Variants in CCSER1 observed in about 807,000 individuals in gnomAD.
The protein encoded by CCSER1 is coiled-coil serine rich protein 1.
A neutral mutation model predicts 82.0 loss-of-function variants in CCSER1; 41 were observed. The observed-to-expected ratio is 0.50, with a 90% CI of 0.39 to 0.65. The LOEUF (loss-of-function observed/expected upper bound fraction) is 0.65, where lower values mean the gene tolerates loss of function less well. Ranked by LOEUF, CCSER1 falls within the 30% of genes least tolerant of loss-of-function variation. The pLI is 0.00. For synonymous variants in CCSER1, 414 were observed against 383.9 expected, an observed-to-expected ratio of 1.08 and a Z score of -0.92; for missense variants, 1,119 against 1,064.2, an observed-to-expected ratio of 1.05 and a Z score of -0.72.
intron 7 of CCSER1, among the ~76,000 whole-genome samples, chr4:90,787,905 T>TG (rs1183065317): frequency 6.6e-6 from 1 of 152,176 alleles, no homozygotes; most frequent in Non-Finnish European, 1.5e-5. Context: ...CCACAGTAAG[T>TG]TTTGCAGTTT....
intron 10 of CCSER1, among the ~76,000 whole-genome samples, chr4:91,128,842 T>A (rs1206455436): frequency 2.6e-5 from 4 of 152,088 alleles, no homozygotes; most frequent in African/African-American, 7.2e-5. Flanking sequence ...CGCCAAATAT[T>A]GTGAATTTTC....
chr4:91,380,492 C>T lies in CCSER1; in HGVS notation c.2218-218080C>T, dbSNP rs186289729. ...CTACTTGTTGAATTGATCCCTTTAC[C>T]GTTATGTAATGTCCTTCTTTGTCTC... On this transcript the variant is annotated intron_variant, in intron 10 of 10. Transcript: ENST00000509176. Among the ~76,000 whole-genome samples, 46 of 152,186 alleles carry T rather than the reference C, an allele frequency of 3.0e-4. 1 individual carries two copies. The East Asian group carries it at 6.8e-3, about 22-fold the overall frequency.
chr4:91,003,736 A>C (rs111408346), intron 9 of CCSER1, among the ~76,000 whole-genome samples: 77 of 152,130 alleles, frequency 5.1e-4, no homozygotes, highest in African/African-American at 1.8e-3. Context: ...TCTGGCCAGG[A>C]GATTTCCTCA....
intron 9 of CCSER1, among the ~76,000 whole-genome samples, chr4:90,993,510 C>A (rs1012829925): frequency 1.3e-5 from 2 of 151,316 alleles, no homozygotes; most frequent in Non-Finnish European, 2.9e-5. Context: ...TTGAAAGCTT[C>A]TTCATCAATA....
chr4:90,191,531 A>G (rs886408325), intron 1 of CCSER1, among the ~76,000 whole-genome samples: 1 of 152,016 alleles, frequency 6.6e-6, no homozygotes, highest in African/African-American at 2.4e-5. Flanking sequence ...GGTGAGATGC[A>G]GTAAAGAGGA....
intron 8 of CCSER1, among the ~76,000 whole-genome samples, chr4:90,832,468 C>T (rs1326507359): frequency 2.6e-5 from 4 of 151,990 alleles, no homozygotes; most frequent in Admixed American, 6.6e-5. Context: ...GCATCTTCAT[C>T]GCTTTGAGTT....
At chr4:91,304,638 G>A (rs767423685) in intron 10 of CCSER1, among the ~76,000 whole-genome samples, 8 of 151,978 alleles carry the variant, frequency 5.3e-5, no homozygotes, top group Non-Finnish European at 7.4e-5. Flanking sequence ...TAATTAGATC[G>A]CAGAGTTCAC....
chr4:90,873,316 G>T (rs1304456410), intron 8 of CCSER1, among the ~76,000 whole-genome samples: 2 of 151,878 alleles, frequency 1.3e-5, no homozygotes, highest in African/African-American at 4.8e-5. Flanking sequence ...AATAGAGTGT[G>T]TTCAGGTTTA....
chr4:90,383,664 T>G (rs1749560226), intron 3 of CCSER1, among the ~76,000 whole-genome samples: 1 of 152,138 alleles, frequency 6.6e-6, no homozygotes, highest in Admixed American at 6.5e-5. Flanking sequence ...ACACATATAT[T>G]TAAGTCTTGG....
intron 10 of CCSER1, among the ~76,000 whole-genome samples, chr4:91,113,445 G>A: frequency 6.6e-6 from 1 of 152,192 alleles, no homozygotes; most frequent in East Asian, 1.9e-4. Context: ...CCACCCTGGA[G>A]ACTTACGTTT....
At chr4:90,153,904 G>T (rs1419959616) in intron 1 of CCSER1, among the ~76,000 whole-genome samples, 1 of 152,068 alleles carries the variant, frequency 6.6e-6, no homozygotes, top group African/African-American at 2.4e-5. Flanking sequence ...TGTCAATTTT[G>T]GCTTTTGTTG....
chr4:90,438,151 ATG>A (rs2153570859), intron 4 of CCSER1, among the ~76,000 whole-genome samples: 1 of 152,320 alleles, frequency 6.6e-6, no homozygotes, highest in Non-Finnish European at 1.5e-5. Context: ...TATATCATTG[ATG>A]TTATTACTAA....
At chr4:90,319,744 A>G (rs1736798932) in intron 3 of CCSER1, among the ~76,000 whole-genome samples, 1 of 152,216 alleles carries the variant, frequency 6.6e-6, no homozygotes, top group South Asian at 2.1e-4. Flanking sequence ...AAAAATGTTA[A>G]TGGCTTTGGG....
intron 10 of CCSER1, among the ~76,000 whole-genome samples, chr4:91,431,471 T>C (rs888163740): frequency 7.2e-5 from 11 of 152,148 alleles, no homozygotes; most frequent in Non-Finnish European, 1.3e-4. Flanking sequence ...CTTCCCTTTT[T>C]TTTCGGGGGG....
intron 10 of CCSER1, among the ~76,000 whole-genome samples, chr4:91,143,593 A>C (rs1729253530): frequency 6.6e-6 from 1 of 152,098 alleles, no homozygotes; most frequent in East Asian, 1.9e-4. Flanking sequence ...ATTCAGTATA[A>C]AGTTGGCTAA....
chr4:90,620,370 C>G (rs1261991939), intron 5 of CCSER1, among the ~76,000 whole-genome samples: 1 of 152,080 alleles, frequency 6.6e-6, no homozygotes, highest in African/African-American at 2.4e-5. Context: ...TAGGCTTGAG[C>G]TTTCCTATAT....
intron 9 of CCSER1, among the ~76,000 whole-genome samples, chr4:90,927,669 A>T (rs74447176): frequency 1.1e-3 from 171 of 152,102 alleles, no homozygotes; most frequent in African/African-American, 4.0e-3. Flanking sequence ...TGCATTATGG[A>T]TGTACACTTT....
At chr4:90,916,988 T>A (rs1387280547) in intron 8 of CCSER1, among the ~76,000 whole-genome samples, 1 of 152,128 alleles carries the variant, frequency 6.6e-6, no homozygotes, top group Non-Finnish European at 1.5e-5. Context: ...CCAGTTAGAA[T>A]GGTGATCATT....
At chr4:91,153,609 T>C (rs1003857227) in intron 10 of CCSER1, among the ~76,000 whole-genome samples, 1 of 151,942 alleles carries the variant, frequency 6.6e-6, no homozygotes, top group Admixed American at 6.5e-5. Context: ...TTTTCAGCTT[T>C]TTTGCTCTGG....
Sources: gnomAD v4.1 joint callset for allele counts (sites outside exome capture counted in the v4.1 genomes callset) on GRCh38, gnomAD v4.1.1 for gene constraint, MANE v1.5 for transcripts, NCBI Gene and HGNC (gene_info 2026-07-23, HGNC 2026-07-21) for gene names.